Variants in ATXN7L1 observed in about 807,000 individuals in gnomAD.
ATXN7L1 encodes ataxin 7 like 1.
Under a neutral mutation model 70.8 loss-of-function variants are expected in ATXN7L1, and 15 were observed. That is an observed-to-expected ratio of 0.21 (90% CI 0.14 to 0.33). ATXN7L1 has a LOEUF of 0.33. Among genes scored for constraint, ATXN7L1 ranks in the 10% least tolerant of loss-of-function variants. The pLI, the probability that ATXN7L1 is intolerant of heterozygous loss-of-function variation, is 1.00. For synonymous variants in ATXN7L1, 440 were observed against 445.1 expected (o/e 0.99, Z 0.14); for missense variants, 975 against 1,097.1 (o/e 0.89, Z 1.57).
In ATXN7L1 at chr7:105,788,595, T is replaced by C; in HGVS notation, c.355+9A>G. 1.3e-6 allele frequency: 2 copies of C among 1,597,646 alleles called. No homozygotes were observed. The highest frequency in any genetic ancestry group is 1.7e-6 in the Non-Finnish European group (2 of 1,165,270). ...GCAGATGTGGCCGACGGTGCAGGGGTCCACTTACCGCAGTGCGACTGGAAA... is the reference window on the plus strand; with the variant it reads ...GCAGATGTGGCCGACGGTGCAGGGGCCCACTTACCGCAGTGCGACTGGAAA... On this transcript the variant is annotated intron_variant, in intron 3 of 11. Transcript: ENST00000419735.
intron 3 of ATXN7L1, among the ~76,000 whole-genome samples, chr7:105,665,888 T>C (rs973240640): frequency 3.3e-5 from 5 of 152,176 alleles, no homozygotes; most frequent in African/African-American, 1.2e-4. Context: ...GAGGGCCACA[T>C]GCAGGAGGAT....
intron 9 of ATXN7L1, chr7:105,618,173 A>G (rs893148222): frequency 2.5e-6 from 1 of 406,268 alleles, no homozygotes; most frequent in Non-Finnish European, 4.9e-6. Context: ...CATTCCTTCC[A>G]CGTGTCCGGG....
intron 3 of ATXN7L1, among the ~76,000 whole-genome samples, chr7:105,708,445 G>A (rs1223158008): frequency 6.6e-6 from 1 of 152,060 alleles, no homozygotes; most frequent in Admixed American, 6.5e-5. Context: ...AGTTTCTAGG[G>A]GTGAAGACAA....
intron 2 of ATXN7L1, among the ~76,000 whole-genome samples, chr7:105,811,735 G>A (rs572977756): frequency 1.1e-3 from 175 of 152,324 alleles, no homozygotes; most frequent in South Asian, 1.7e-3. Context: ...AGCTGAGACT[G>A]GGAGAAGCAG....
intron 2 of ATXN7L1, among the ~76,000 whole-genome samples, chr7:105,842,459 A>G (rs1381741212): frequency 6.6e-6 from 1 of 152,202 alleles, no homozygotes; most frequent in Non-Finnish European, 1.5e-5. Context: ...GCATGGAATC[A>G]TCCAATATAT....
At chr7:105,662,764 A>AT (rs927811680) in intron 4 of ATXN7L1, among the ~76,000 whole-genome samples, 5 of 151,912 alleles carry the variant, frequency 3.3e-5, no homozygotes, top group African/African-American at 9.7e-5. Flanking sequence ...CATTTCTCTA[A>AT]TTTTTTTTAG....
chr7:105,639,145 T>TGCC lies in ATXN7L1; in HGVS notation c.945+339_945+341dup, dbSNP rs1032180652. Among the ~76,000 whole-genome samples, 55 of 152,160 alleles carry TGCC rather than the reference T, an allele frequency of 3.6e-4. 1 individual carries two copies. The highest frequency in any genetic ancestry group is 1.7e-3 in the East Asian group (9 of 5,174). On this transcript the variant is annotated intron_variant, in intron 6 of 11. Transcript: ENST00000419735. ...CCTCCAGGGCTGCCTTTCAGGGCGC[T>TGCC]GCCGCCGCCGCCGCCGCCGCTGCCG...
At chr7:105,639,280 T>G (rs984370130) in intron 6 of ATXN7L1, among the ~76,000 whole-genome samples, 29 of 151,656 alleles carry the variant, frequency 1.9e-4, no homozygotes, top group African/African-American at 5.8e-4. Flanking sequence ...TAGTTTTTTT[T>G]TTTTTTTTTT....
intron 3 of ATXN7L1, among the ~76,000 whole-genome samples, chr7:105,682,975 A>G (rs558142617): frequency 6.6e-6 from 1 of 152,364 alleles, no homozygotes; most frequent in South Asian, 2.1e-4. Flanking sequence ...AAGCCTGCAG[A>G]AAGTAAGAGC....
chr7:105,775,119 CCTAT>C (rs756363595), intron 3 of ATXN7L1, among the ~76,000 whole-genome samples: 1 of 152,168 alleles, frequency 6.6e-6, no homozygotes, highest in African/African-American at 2.4e-5. Context: ...TTGCCCTAGA[CCTAT>C]CTATTTCCTA....
chr7:105,635,839 C>T (rs973588474), intron 7 of ATXN7L1, among the ~76,000 whole-genome samples: 5 of 149,156 alleles, frequency 3.4e-5, no homozygotes, highest in Admixed American at 6.7e-5. Flanking sequence ...CATTCATGTG[C>T]GATAGTTTTT....
chr7:105,810,654 G>A (rs1042206646), intron 2 of ATXN7L1, among the ~76,000 whole-genome samples: 8 of 152,200 alleles, frequency 5.3e-5, no homozygotes, highest in Admixed American at 4.6e-4. Flanking sequence ...AGCCTAGGAC[G>A]TATGAGGGAG....
chr7:105,759,449 A>AGAGTGTGT (rs1554453000), intron 3 of ATXN7L1, among the ~76,000 whole-genome samples: 1 of 60,460 alleles, frequency 1.7e-5, no homozygotes, highest in Non-Finnish European at 3.1e-5. Flanking sequence ...TTGGATAGTG[A>AGAGTGTGT]GTGTGTGTGT....
intron 2 of ATXN7L1, among the ~76,000 whole-genome samples, chr7:105,831,905 T>G (rs906350705): frequency 1.3e-5 from 2 of 152,170 alleles, no homozygotes; most frequent in African/African-American, 4.8e-5. Context: ...ATCCTTTGCT[T>G]CTTCTCTGCA....
intron 3 of ATXN7L1, among the ~76,000 whole-genome samples, chr7:105,737,829 T>C (rs1382916939): frequency 6.6e-6 from 1 of 152,168 alleles, no homozygotes; most frequent in Non-Finnish European, 1.5e-5. Context: ...TATGAACTTT[T>C]AAGAATTTTG....
At chr7:105,699,320 C>A (rs1255799958) in intron 3 of ATXN7L1, among the ~76,000 whole-genome samples, 2 of 151,924 alleles carry the variant, frequency 1.3e-5, no homozygotes, top group Non-Finnish European at 2.9e-5. Context: ...TTAGTAGAGG[C>A]AGGATTTTGC....
chr7:105,806,053 A>G (rs924652492), intron 2 of ATXN7L1, among the ~76,000 whole-genome samples: 5 of 152,150 alleles, frequency 3.3e-5, no homozygotes, highest in African/African-American at 1.2e-4. Flanking sequence ...GCAGGACCCA[A>G]GAGACATTTA....
chr7:105,726,378 T>A (rs982893856), intron 3 of ATXN7L1, among the ~76,000 whole-genome samples: 4 of 152,226 alleles, frequency 2.6e-5, no homozygotes, highest in African/African-American at 9.6e-5. Flanking sequence ...ATGCTTAATG[T>A]ATCCCCCATC....
At chr7:105,721,878 T>G (rs535660293) in intron 3 of ATXN7L1, among the ~76,000 whole-genome samples, 1 of 152,332 alleles carries the variant, frequency 6.6e-6, no homozygotes, top group African/African-American at 2.4e-5. Flanking sequence ...AATTTTGACA[T>G]GAATGAGAAT....
Sources: gnomAD v4.1 joint callset for allele counts (sites outside exome capture counted in the v4.1 genomes callset) on GRCh38, gnomAD v4.1.1 for gene constraint, MANE v1.5 for transcripts, NCBI Gene and HGNC (gene_info 2026-07-23, HGNC 2026-07-21) for gene names.